Variants in KRT2 observed in about 807,000 individuals in gnomAD.
KRT2 encodes the protein keratin, type II cytoskeletal 2 epidermal.
KRT2 carries 37 observed loss-of-function variants against 48.5 expected under a neutral mutation model. That is an observed-to-expected ratio of 0.76 (90% CI 0.59 to 1.00). KRT2 has a LOEUF of 1.00. Among genes scored for constraint, KRT2 ranks in the 50% least tolerant of loss-of-function variants. The probability of loss-of-function intolerance (pLI) is 0.00; values close to 1 mark genes in which losing one functional copy is unlikely to be tolerated. For synonymous variants in KRT2, 324 were observed against 312.2 expected, an observed-to-expected ratio of 1.04 and a Z score of -0.40; for missense variants, 880 against 815.2, an observed-to-expected ratio of 1.08 and a Z score of -0.97.
At chr12:52,648,403 G>A in intron 4 of KRT2, 66 bp from the exon 5 acceptor site, 1 of 1,369,900 alleles carries the variant, frequency 7.3e-7, no homozygotes, top group Non-Finnish European at 1.0e-6. Flanking sequence ...GGAGGCCTCT[G>A]TCTCCCAGCA....
rs551639912 is a variant in KRT2 at position 52,644,825 on chromosome 12, A to T, written c.*194T>A. On this transcript the variant is annotated 3_prime_UTR_variant, in exon 9 of 9. Transcript: ENST00000309680. ...TTCCGCCCCAGAACACAGAGGCGTC[A>T]CTGGCTCTAACTAACTGGTTTGGAG... The T allele has an allele frequency of 1.1e-5, 7 of 643,834 alleles. No homozygotes were observed. In the Admixed American group the frequency reaches 1.7e-4, roughly 15 times the overall value. 39.9% of individuals were successfully genotyped at this position (643,834 alleles called of 1,614,324 possible).
chr12:52,648,103 C>T, intron 5 of KRT2, 70 bp downstream of exon 5: 1 of 1,540,232 alleles, frequency 6.5e-7, no homozygotes, highest in Non-Finnish European at 9.0e-7. Context: ...TTACTGTACA[C>T]TTTCCAGCTG....
Position 52,650,569 on chromosome 12 carries a change from G to A in KRT2, c.586-16C>T. 2 of 1,606,564 alleles carry A rather than the reference G, an allele frequency of 1.2e-6. No individual in the cohort carries two copies. Among genetic ancestry groups the A allele is most frequent in the Non-Finnish European group, 1.7e-6 (2 of 1,174,760 alleles). ...AGAACCGCACCTGCCATGACCAGAA[G>A]GAGAGCACATGAGTTCTAGATCATC... On this transcript the variant is annotated splice_polypyrimidine_tract_variant and intron_variant, in intron 1 of 8. Transcript: ENST00000309680.
Position 52,650,412 on chromosome 12 carries a change from G to C in KRT2, c.727C>G (p.Leu243Val), listed in dbSNP as rs759022715. ...IDSLKRYLDGLTAERTSQNSE... is the reference protein window; with the variant it reads ...IDSLKRYLDGVTAERTSQNSE... ...TTCTGTGATGTTCTTTCTGCAGTGA[G>C]CCCATCCAGATATCTCTTGAGGCTG... The change falls in exon 2 of 9, where the codon CTC (leucine) becomes GTC (valine). Residue 243 changes from leucine (L) to valine (V), a missense_variant. Physicochemically the swap from Leu to Val is conservative, Grantham distance 32. Transcript: ENST00000309680. 2.5e-6 allele frequency: 4 copies of C among 1,614,064 alleles called. No homozygotes were observed. The highest frequency in any genetic ancestry group is 2.2e-5 in the East Asian group (1 of 44,906).
In KRT2 at chr12:52,648,299, G is replaced by A. The variant is rs568625378; in HGVS notation, c.996C>T (p.Asn332=). 3.1e-5 allele frequency: 50 copies of A among 1,613,926 alleles called. No individual in the cohort carries two copies. The highest frequency in any genetic ancestry group is 1.1e-4 in the East Asian group (5 of 44,888). ...GGCTGTTGTCCATGGAGAGGATGAC[G>A]TTGGTGTCAGTGACACTCTGATGTA... ...SQIHQSVTDT[N]VILSMDNSRN... Residue 332 remains asparagine (N), a synonymous_variant, in exon 5 of 9, where the codon AAC becomes AAT. Coordinates refer to ENST00000309680, the MANE Select transcript of KRT2 (RefSeq NM_000423.3).
rs1474188044 is a variant in KRT2 at position 52,647,850 on chromosome 12, C to T, written c.1128G>A (p.Glu376=). The T allele has an allele frequency of 7.4e-6, 12 of 1,614,146 alleles. No homozygotes were observed. Among genetic ancestry groups the T allele is most frequent in the Non-Finnish European group, 9.3e-6 (11 of 1,180,038 alleles). The change falls in exon 6 of 9, where the codon GAG becomes GAA. Residue 376 remains glutamate, a synonymous_variant. Coordinates refer to ENST00000309680, the MANE Select transcript of KRT2 (RefSeq NM_000423.3). ...GTCTCCCGACAGTCACCTGGAGCTCCTCATACTGATATGGGGAGAAGAGGA... is the reference window on the plus strand; with the variant it reads ...GTCTCCCGACAGTCACCTGGAGCTCTTCATACTGATATGGGGAGAAGAGGA... ...EAEALYHSKY[E]ELQVTVGRHG...
intron 5 of KRT2, 48 bp downstream of exon 5, chr12:52,648,125 C>T (rs1164813954): frequency 6.2e-7 from 1 of 1,603,666 alleles, no homozygotes; most frequent in African/African-American, 1.3e-5. Context: ...GGGTGCAACC[C>T]AGCTCATGGC....
In KRT2 at chr12:52,644,753, G is replaced by A. The variant is rs1161669550; in HGVS notation, c.*266C>T. ...ATGGGCAATGCAAAGAGGCATGGTG[G>A]GGGCGGGAATGGGCATGGCTAGAAG... On this transcript the variant is annotated 3_prime_UTR_variant, in exon 9 of 9. Coordinates refer to ENST00000309680, the MANE Select transcript of KRT2 (RefSeq NM_000423.3). 9.4e-6 allele frequency: 5 copies of A among 532,176 alleles called. 1 individual carries two copies. In the East Asian group the frequency reaches 1.0e-4, roughly 11 times the overall value. The allele number at this position is 532,176 out of a possible 1,614,324, so 33.0% of individuals were successfully genotyped here.
At position 52,644,764 on chromosome 12, in the gene KRT2, G is replaced by A; in HGVS notation, c.*255C>T. On this transcript the variant is annotated 3_prime_UTR_variant, in exon 9 of 9. Transcript: ENST00000309680. The stretch of plus-strand genomic sequence containing the variant: ...AAAGAGGCATGGTGGGGGCGGGAAT[G>A]GGCATGGCTAGAAGCACAAACCTAG... The A allele has an allele frequency of 1.8e-6, 1 of 553,070 alleles. No homozygotes were observed. Among genetic ancestry groups the A allele is most frequent in the East Asian group, 3.2e-5 (1 of 31,276 alleles). 34.3% of individuals were successfully genotyped at this position (553,070 alleles called of 1,614,324 possible).
intron 3 of KRT2, among the ~76,000 whole-genome samples, chr12:52,649,669 G>A (rs1243105782): frequency 1.3e-5 from 2 of 152,192 alleles, no homozygotes; most frequent in Admixed American, 6.5e-5. Flanking sequence ...TGATTCAGTA[G>A]AGGCTTTAAG....
intron 6 of KRT2, 107 bp from the exon 7 acceptor site, chr12:52,647,067 C>T (rs1941178458): frequency 4.0e-6 from 4 of 1,010,208 alleles, no homozygotes; most frequent in East Asian, 2.4e-5. Flanking sequence ...AGTGTTAGGT[C>T]CCCTCTGGAG....
Position 52,647,835 on chromosome 12 carries a change from A to G in KRT2, c.1143T>C (p.Thr381=). The part of the protein sequence containing the change: ...YHSKYEELQV[T]VGRHGDSLKE... ...TCAGGCTGTCTCCATGTCTCCCGACAGTCACCTGGAGCTCCTCATACTGAT... is the reference window on the plus strand; with the variant it reads ...TCAGGCTGTCTCCATGTCTCCCGACGGTCACCTGGAGCTCCTCATACTGAT... The change falls in exon 6 of 9, where the codon ACT becomes ACC. Residue 381 remains threonine, a synonymous_variant. Transcript: ENST00000309680. 6.2e-7 allele frequency: 1 copy of G among 1,614,154 alleles called. No homozygotes were observed. The highest frequency in any genetic ancestry group is 8.5e-7 in the Non-Finnish European group (1 of 1,180,014).
At position 52,647,840 on chromosome 12, in the gene KRT2, C is replaced by T; in HGVS notation, c.1138G>A (p.Val380Met). Residue 380 changes from valine to methionine, a missense_variant, in exon 6 of 9, where the codon GTG (valine) becomes ATG (methionine). Val to Met is a conservative substitution (Grantham distance 21, BLOSUM62 1). Transcript: ENST00000309680. ...CTGTCTCCATGTCTCCCGACAGTCA[C>T]CTGGAGCTCCTCATACTGATATGGG... is the stretch of plus-strand genomic sequence containing the variant. ...LYHSKYEELQ[V>M]TVGRHGDSLK... 1 of 1,614,162 alleles carries T rather than the reference C, an allele frequency of 6.2e-7. No individual in the cohort carries two copies. The highest frequency in any genetic ancestry group is 1.6e-4 in the Middle Eastern group (1 of 6,062).
At chr12:52,648,031 C>T in intron 5 of KRT2, 142 bp downstream of exon 5, 1 of 1,209,130 alleles carries the variant, frequency 8.3e-7, no homozygotes, top group Admixed American at 1.8e-5. Context: ...GACTTGGTGC[C>T]ATTCTCAACA....
rs1941142764 is a variant in KRT2, at chr12:52,645,120, TGG to T, written c.1817_1818del (p.Ser606Ter). On this transcript the variant is annotated frameshift_variant, in exon 9 of 9. Coordinates refer to ENST00000309680, the MANE Select transcript of KRT2 (RefSeq NM_000423.3). LOFTEE classifies it low-confidence loss of function (END_TRUNC). ...CCAGAGCCATATCCTCCTCCAGAGCTGGAGCCTCCTCTAGAGCCACCTCCAGA... is the reference window on the plus strand; with the variant it reads ...CCAGAGCCATATCCTCCTCCAGAGCTAGCCTCCTCTAGAGCCACCTCCAGA... The part of the protein sequence containing the change: ...HSSGGGSRGG[S>X]SSGGGYGSGG... The T allele has an allele frequency of 6.2e-7, 1 of 1,613,654 alleles. No individual in the cohort carries two copies. Among genetic ancestry groups the T allele is most frequent in the Non-Finnish European group, 8.5e-7 (1 of 1,179,964 alleles).
At position 52,652,086 on chromosome 12, in the gene KRT2, G is replaced by C; in HGVS notation, c.57C>G (p.Phe19Leu). ...CAGCTGAGCCGCTGCTGAAGCCCCG[G>C]AATCCTCCTCCACCTCCTCCTCTTC... Reference protein sequence around the residue: ...SRGRGGGGGGFRGFSSGSAVV... With the variant: ...SRGRGGGGGGLRGFSSGSAVV... The change falls in exon 1 of 9, where the codon TTC (phenylalanine) becomes TTG (leucine). Residue 19 changes from phenylalanine to leucine, a missense_variant. By Grantham distance (22) the Phe-to-Leu change is conservative. Coordinates refer to ENST00000309680, the MANE Select transcript of KRT2 (RefSeq NM_000423.3). 6.3e-7 allele frequency: 1 copy of C among 1,595,146 alleles called. No individual in the cohort carries two copies. Among genetic ancestry groups the C allele is most frequent in the Non-Finnish European group, 8.5e-7 (1 of 1,176,958 alleles).
Position 52,644,733 on chromosome 12 carries a change from C to T in KRT2, c.*286G>A. 3 of 486,042 alleles carry T rather than the reference C, an allele frequency of 6.2e-6. No individual in the cohort carries two copies. The highest frequency in any genetic ancestry group is 1.1e-5 in the Non-Finnish European group (3 of 267,488). 30.1% of individuals were successfully genotyped at this position (486,042 alleles called of 1,614,324 possible). On this transcript the variant is annotated 3_prime_UTR_variant, in exon 9 of 9. Coordinates refer to ENST00000309680, the MANE Select transcript of KRT2 (RefSeq NM_000423.3). ...ACAGAATACACATCTGGAAAATGGG[C>T]AATGCAAAGAGGCATGGTGGGGGCG...
chr12:52,644,916 C>T lies in KRT2; in HGVS notation c.*103G>A. 1 of 1,317,080 alleles carries T rather than the reference C, an allele frequency of 7.6e-7. No individual in the cohort carries two copies. Among genetic ancestry groups the T allele is most frequent in the Non-Finnish European group, 1.1e-6 (1 of 928,626 alleles). The allele number at this position is 1,317,080 out of a possible 1,614,324, so 81.6% of individuals were successfully genotyped here. A position where few individuals can be genotyped will look rare whatever the true frequency, so the allele number is the denominator to read the frequency against. On this transcript the variant is annotated 3_prime_UTR_variant, in exon 9 of 9. Coordinates refer to ENST00000309680, the MANE Select transcript of KRT2 (RefSeq NM_000423.3). ...TCAAAGTGCCATCAGAGATAAATGA[C>T]AAAAATTTAACTTGCTGCCAGTTAG...
chr12:52,648,183 T>C lies in KRT2; in HGVS notation c.1112A>G (p.Tyr371Cys). 1 of 1,614,190 alleles carries C rather than the reference T, an allele frequency of 6.2e-7. No homozygotes were observed. The highest frequency in any genetic ancestry group is 8.5e-7 in the Non-Finnish European group (1 of 1,180,026). The change falls in exon 5 of 9, where the codon TAC (tyrosine) becomes TGC (cysteine). Residue 371 changes from tyrosine to cysteine, a missense_variant. Physicochemically the swap from Tyr to Cys is radical, Grantham distance 194 (BLOSUM62 -2). Coordinates refer to ENST00000309680, the MANE Select transcript of KRT2 (RefSeq NM_000423.3). Reference protein sequence around the residue: ...QRSKEEAEALYHSKYEELQVT... With the variant: ...QRSKEEAEALCHSKYEELQVT... ...ATTCCCTCTACTTGCCTTGCTGTGG[T>C]ACAGGGCCTCCGCTTCTTCCTTGCT...
Sources: gnomAD v4.1 joint callset for allele counts (sites outside exome capture counted in the v4.1 genomes callset) on GRCh38, gnomAD v4.1.1 for gene constraint, MANE v1.5 for transcripts, NCBI Gene and HGNC (gene_info 2026-07-23, HGNC 2026-07-21) for gene names.